PCED1A: variants seen among roughly 807,000 people sequenced by gnomAD.
PCED1A encodes the protein PC-esterase domain containing 1A, also known as PC-esterase domain-containing protein 1A.
Under a neutral mutation model 41.9 loss-of-function variants are expected in PCED1A, and 20 were observed. The observed-to-expected ratio is 0.48, with a 90% CI of 0.34 to 0.69. The LOEUF is 0.69. Among genes scored for constraint, PCED1A ranks in the 30% least tolerant of loss-of-function variants. PCED1A has a pLI of 0.01. For synonymous variants in PCED1A, 236 were observed against 241.3 expected (o/e 0.98, Z 0.20); for missense variants, 498 against 602.1 (o/e 0.83, Z 1.81).
At chr20:2,837,462 G>A (rs1321863045) in intron 6 of PCED1A, among the ~76,000 whole-genome samples, 2 of 152,202 alleles carry the variant, frequency 1.3e-5, no homozygotes, top group African/African-American at 4.8e-5. Flanking sequence ...AGTGCAGCAG[G>A]AAACTTGCCC....
chr20:2,836,243 C>T lies in PCED1A; in HGVS notation c.913G>A (p.Gly305Arg), dbSNP rs764895840. ...GGTGGGAGCAAGGCCAGGTGCTCCC[C>T]GAAGTCTGGGGTCTGCCTATGGCTT... is the stretch of plus-strand genomic sequence containing the variant. ...QGSHRQTPDFGEHLALLPPPP... is the reference protein window; with the variant it reads ...QGSHRQTPDFREHLALLPPPP... Residue 305 changes from glycine (G) to arginine (R), a missense_variant, in exon 7 of 8, where the codon GGG becomes AGG. Gly to Arg is a moderately radical substitution (Grantham distance 125). Coordinates refer to ENST00000360652, the MANE Select transcript of PCED1A (RefSeq NM_022760.6). 1.7e-5 allele frequency: 27 copies of T among 1,614,020 alleles called. No homozygotes were observed. Among genetic ancestry groups the T allele is most frequent in the South Asian group, 1.2e-4 (11 of 91,072 alleles).
intron 7 of PCED1A, 72 bp from the exon 8 acceptor site, chr20:2,835,781 CTT>C (rs767576682): frequency 3.2e-5 from 48 of 1,506,482 alleles, no homozygotes; most frequent in Non-Finnish European, 4.1e-5. Flanking sequence ...TGAAGCAACT[CTT>C]GTCCTCCAGG....
chr20:2,840,721 C>G, upstream of PCED1A: 1 of 1,538,782 alleles, frequency 6.5e-7, no homozygotes, highest in Non-Finnish European at 8.8e-7. Flanking sequence ...CGGCCTGGAG[C>G]CCGCTCTAGG....
upstream of PCED1A, chr20:2,840,986 G>A: frequency 1.5e-6 from 1 of 685,630 alleles, no homozygotes; most frequent in Non-Finnish European, 2.4e-6. Context: ...CCGCCTTTGG[G>A]CAGGGAGCCG....
In PCED1A at chr20:2,838,659, C is replaced by T. The variant is rs1016879001; in HGVS notation, c.531G>A (p.Leu177=). 2.5e-6 allele frequency: 4 copies of T among 1,614,116 alleles called. No homozygotes were observed. The highest frequency in any genetic ancestry group is 1.3e-5 in the African/African-American group (1 of 74,938). Residue 177 remains leucine (L), a synonymous_variant, in exon 5 of 8, where the codon CTG becomes CTA. Transcript: ENST00000360652. This position sits in a 1 kb window ranked among gnomAD's most constrained non-coding sequence, Gnocchi z 5.8. ...RMDQVLPDSC[L]LVWNMAMPLG... ...GGGGCATCGCCATGTTCCACACCAG[C>T]AGGCAGGAGTCTGGCAATACTTGGT...
chr20:2,839,124 G>A (rs1279428292), intron 3 of PCED1A, 42 bp from the exon 4 acceptor site: 2 of 1,564,450 alleles, frequency 1.3e-6, no homozygotes, highest in East Asian at 4.6e-5. Flanking sequence ...CCATGCCAGG[G>A]AGGAGAACCC....
chr20:2,836,346 T>G, intron 6 of PCED1A, 32 bp from the exon 7 acceptor site: 1 of 1,591,426 alleles, frequency 6.3e-7, no homozygotes, highest in South Asian at 1.1e-5. Flanking sequence ...TAGGTAGGCT[T>G]GGGAGCCAGG....
chr20:2,840,118 G>A (rs1249108903), intron 1 of PCED1A, 93 bp downstream of exon 1: 1 of 531,268 alleles, frequency 1.9e-6, no homozygotes, highest in Non-Finnish European at 3.1e-6. Context: ...AGGCCTCCAG[G>A]GCACTGGGGA....
Position 2,835,415 on chromosome 20 carries a change from G to C in PCED1A, c.*47C>G. On this transcript the variant is annotated 3_prime_UTR_variant, in exon 8 of 8. Coordinates refer to ENST00000360652, the MANE Select transcript of PCED1A (RefSeq NM_022760.6). ...AGCCCAGTACCTGAGGTGCCAGGCA[G>C]GCCCTGAAGGGCCATTGGCACATCC... 1 of 1,560,788 alleles carries C rather than the reference G, an allele frequency of 6.4e-7. No homozygotes were observed. Among genetic ancestry groups the C allele is most frequent in the Non-Finnish European group, 8.7e-7 (1 of 1,148,414 alleles).
intron 2 of PCED1A, among the ~76,000 whole-genome samples, 161 bp downstream of exon 2, chr20:2,839,616 TACACCTGTCAGG>T (rs574112864): frequency 5.3e-4 from 80 of 152,186 alleles, no homozygotes; most frequent in Non-Finnish European, 9.4e-4. Context: ...CACAGGTTAT[TACACCTGTCAGG>T]ACTCCTGTGG....
rs759500168 is a variant in PCED1A, at chr20:2,835,699, A to G, written c.1128T>C (p.Pro376=). 5 of 1,557,506 alleles carry G rather than the reference A, an allele frequency of 3.2e-6. No individual in the cohort carries two copies. In the South Asian group the frequency reaches 4.8e-5, roughly 15 times the overall value. The stretch of plus-strand genomic sequence containing the variant: ...GAGGGCCAGGCACAAAGTTCACTCC[A>G]GGGCCACATCCTACAAAAGAACCAG... ...FSMPPHLGCG[P]GVNFVPGPLP... Residue 376 remains proline, a synonymous_variant, in exon 8 of 8, where the codon CCT becomes CCC. Transcript: ENST00000360652.
intron 6 of PCED1A, among the ~76,000 whole-genome samples, chr20:2,837,290 T>C (rs1326266626): frequency 1.3e-5 from 2 of 152,204 alleles, no homozygotes; most frequent in African/African-American, 4.8e-5. Context: ...GGTCTGTCTC[T>C]ATGATATTCC....
chr20:2,839,127 G>A, intron 3 of PCED1A, 45 bp from the exon 4 acceptor site: 6 of 1,604,836 alleles, frequency 3.7e-6, no homozygotes, highest in Non-Finnish European at 5.1e-6. Context: ...TGCCAGGGAG[G>A]AGAACCCTGC....
In PCED1A at chr20:2,838,762, C is replaced by T; in HGVS notation, c.444-16G>A. 6.2e-7 allele frequency: 1 copy of T among 1,614,190 alleles called. No individual in the cohort carries two copies. The highest frequency in any genetic ancestry group is 8.5e-7 in the Non-Finnish European group (1 of 1,180,034). ...GCGACCATATCTGTTGGATAACACA[C>T]AGGGTGGGCAAGAGCACAAGGGTGG... On this transcript the variant is annotated splice_polypyrimidine_tract_variant and intron_variant, in intron 4 of 7. Transcript: ENST00000360652. The surrounding 1 kb of genome is among the most constrained non-coding windows in gnomAD (Gnocchi z 5.8).
chr20:2,839,453 G>A (rs1012054447), intron 2 of PCED1A, among the ~76,000 whole-genome samples, 182 bp from the exon 3 acceptor site: 1 of 152,306 alleles, frequency 6.6e-6, no homozygotes. Flanking sequence ...TGTGCCTCCT[G>A]GCCAGCAGTA....
chr20:2,839,849 G>T lies in PCED1A; in HGVS notation c.64C>A (p.Gln22Lys). The T allele has an allele frequency of 6.2e-7, 1 of 1,614,206 alleles. No homozygotes were observed. Among genetic ancestry groups the T allele is most frequent in the Non-Finnish European group, 8.5e-7 (1 of 1,180,024 alleles). ...AGCAGCTGCTGGACTTCCGAGGCCT[G>T]GAAGTGGACCATGTCGCTTCGCAGC... The part of the protein sequence containing the change: ...RPLRSDMVHF[Q>K]ASEVQQLLHN... Residue 22 changes from glutamine (Q) to lysine (K), a missense_variant, in exon 2 of 8, where the codon CAG becomes AAG. Physicochemically the swap from Gln to Lys is moderately conservative, Grantham distance 53. Around this residue, in one of 2 missense-constraint regions of PCED1A, gnomAD observed 253 missense variants for 369.7 expected, o/e 0.68. Transcript: ENST00000360652.
In PCED1A at chr20:2,838,119, G is replaced by T; in HGVS notation, c.841+113C>A. The T allele has an allele frequency of 6.7e-7, 1 of 1,497,446 alleles. No homozygotes were observed. 92.8% of individuals were successfully genotyped at this position (1,497,446 alleles called of 1,614,324 possible). A position where few individuals can be genotyped will look rare whatever the true frequency, so the allele number is the denominator to read the frequency against. ...GAAGGTGCATGCAGAAGCCACAGGA[G>T]TCCTTCAAGGGACCTCTACTTCCCT... On this transcript the variant is annotated intron_variant, in intron 6 of 7. Transcript: ENST00000360652. The surrounding 1 kb of genome is among the most constrained non-coding windows in gnomAD (Gnocchi z 5.8).
upstream of PCED1A, chr20:2,840,813 C>T (rs751133402): frequency 2.4e-5 from 37 of 1,548,092 alleles, no homozygotes; most frequent in Non-Finnish European, 3.1e-5. Context: ...CACTCGGGGA[C>T]TCTGCCTTTT....
At chr20:2,836,015 TG>T (rs1193487574) in intron 7 of PCED1A, 23 bp downstream of exon 7, 1 of 1,466,366 alleles carries the variant, frequency 6.8e-7, no homozygotes, top group Non-Finnish European at 9.0e-7. Flanking sequence ...TACAAGAGGG[TG>T]GGGGAGCTGC....
Sources: allele counts gnomAD v4.1 joint callset (sites outside exome capture counted in the v4.1 genomes callset), GRCh38; gene constraint gnomAD v4.1.1; regional missense constraint gnomAD v4.1.1; non-coding constraint Gnocchi (gnomAD v3.1); transcripts MANE v1.5; gene names NCBI Gene and HGNC (gene_info 2026-07-23, HGNC 2026-07-21).